Variants in MAPK6 observed in about 807,000 individuals in gnomAD.
MAPK6 encodes the protein ERK-3.
Under a neutral mutation model 59.3 loss-of-function variants are expected in MAPK6, and 19 were observed. That is an observed-to-expected ratio of 0.32 (90% CI 0.22 to 0.47). The LOEUF is 0.47. Among genes scored for constraint, MAPK6 ranks in the 20% least tolerant of loss-of-function variants. The pLI is 1.00. For missense variants in MAPK6, 724 were observed against 847.9 expected, an observed-to-expected ratio of 0.85 and a Z score of 1.81; for synonymous variants, 316 against 290.3, an observed-to-expected ratio of 1.09 and a Z score of -0.90.
upstream of MAPK6, among the ~76,000 whole-genome samples, chr15:52,016,070 G>GCGCGCAAA: frequency 3.6e-5 from 2 of 55,392 alleles, no homozygotes; most frequent in Non-Finnish European, 6.8e-5. Flanking sequence ...GCGCGCGCGC[G>GCGCGCAAA]CACACACACA....
chr15:52,001,923 G>A (rs1165494711), intron 2 of MAPK6, among the ~76,000 whole-genome samples: 1 of 152,030 alleles, frequency 6.6e-6, no homozygotes, highest in Non-Finnish European at 1.5e-5. Context: ...TGTCCCATGT[G>A]TCAGAGTCTC....
At chr15:52,039,053 C>T (rs1566907257) in intron 1 of MAPK6, among the ~76,000 whole-genome samples, 1 of 152,206 alleles carries the variant, frequency 6.6e-6, no homozygotes. Context: ...CCCTCTGTCC[C>T]TCAGGCTGAA....
At chr15:52,032,569 C>G (rs2031078771) in intron 1 of MAPK6, among the ~76,000 whole-genome samples, 1 of 152,132 alleles carries the variant, frequency 6.6e-6, no homozygotes, top group African/African-American at 2.4e-5. Flanking sequence ...CTCTGTAGAT[C>G]TGGGGTTAGT....
intron 1 of MAPK6, among the ~76,000 whole-genome samples, chr15:52,026,277 A>G (rs1296615595): frequency 6.6e-6 from 1 of 151,844 alleles, no homozygotes; most frequent in African/African-American, 2.4e-5. Flanking sequence ...TTAACCTCCT[A>G]CCTTTTTTTG....
At chr15:51,997,923 CTCTT>C (rs201219333) in intron 2 of MAPK6, among the ~76,000 whole-genome samples, 3,024 of 131,218 alleles carry the variant, frequency 0.023, 35 homozygotes, top group Middle Eastern at 0.032. Context: ...TTCTTTCTTT[CTCTT>C]TCTTTCTTTC....
exon 1 of MAPK6, chr15:51,971,852 T>G (rs567831435): frequency 4.1e-4 from 503 of 1,226,532 alleles, no homozygotes; most frequent in Non-Finnish European, 5.5e-4. Context: ...CCGAAGACAC[T>G]CCTTTCCTTA....
intron 1 of MAPK6, among the ~76,000 whole-genome samples, chr15:52,045,556 C>CT (rs2031569784): frequency 6.6e-6 from 1 of 152,170 alleles, no homozygotes; most frequent in Admixed American, 6.5e-5. Context: ...CCTTCCCATA[C>CT]TTGTTGGCAT....
chr15:52,017,763 G>C (rs1462708980), upstream of MAPK6: 1 of 152,092 alleles, frequency 6.6e-6, no homozygotes, highest in African/African-American at 2.4e-5. Context: ...ATCAGACATT[G>C]ATGGAAAAGG....
At chr15:52,062,855 G>A (rs1458257033) in intron 5 of MAPK6, among the ~76,000 whole-genome samples, 3 of 148,232 alleles carry the variant, frequency 2.0e-5, no homozygotes, top group Non-Finnish European at 2.9e-5. Flanking sequence ...AGGTGATTTT[G>A]ATGCTTCAGA....
rs1177129279 is a variant in MAPK6 at position 52,061,327 on chromosome 15, A to G, written c.894A>G (p.Thr298=). 9.3e-6 allele frequency: 15 copies of G among 1,614,104 alleles called. No individual in the cohort carries two copies. Among genetic ancestry groups the G allele is most frequent in the Middle Eastern group, 1.6e-4 (1 of 6,062 alleles). Residue 298 remains threonine (T), a synonymous_variant, in exon 5 of 6, where the codon ACA becomes ACG. Transcript: ENST00000261845. ...TGGATTTCCTGGAACAAATTTTGAC[A>G]TTTAGCCCCATGGATCGGTTAACAG... The part of the protein sequence containing the change: ...EALDFLEQIL[T]FSPMDRLTAE...
At chr15:51,971,901 G>A (rs554015336) in exon 1 of MAPK6, 2 of 716,718 alleles carry the variant, frequency 2.8e-6, no homozygotes, top group East Asian at 2.7e-5. Context: ...ACCTGTTCTC[G>A]CCTGGGTATG....
chr15:52,063,059 C>A (rs2032267584), intron 5 of MAPK6, among the ~76,000 whole-genome samples: 1 of 152,038 alleles, frequency 6.6e-6, no homozygotes. Context: ...CCATTTCTAC[C>A]CCCTAAATAA....
chr15:52,050,975 A>T (rs1239507810), intron 3 of MAPK6, among the ~76,000 whole-genome samples: 1 of 152,208 alleles, frequency 6.6e-6, no homozygotes, highest in Non-Finnish European at 1.5e-5. Flanking sequence ...TAGTAGGGGT[A>T]CTGAAGATTT....
intron 2 of MAPK6, among the ~76,000 whole-genome samples, chr15:52,048,717 C>T (rs2031675706): frequency 6.7e-6 from 1 of 149,910 alleles, no homozygotes; most frequent in African/African-American, 2.5e-5. Context: ...TCACTTGAGG[C>T]CAGGAGTTTG....
At chr15:51,991,695 A>G (rs1298261226) in intron 2 of MAPK6, among the ~76,000 whole-genome samples, 1 of 152,238 alleles carries the variant, frequency 6.6e-6, no homozygotes, top group Non-Finnish European at 1.5e-5. Flanking sequence ...GGTTGCCGAC[A>G]TCGGCAAAGG....
chr15:51,988,680 C>G (rs2057198616), intron 2 of MAPK6, among the ~76,000 whole-genome samples: 1 of 151,700 alleles, frequency 6.6e-6, no homozygotes, highest in Admixed American at 6.6e-5. Context: ...TGCAATGAGC[C>G]AAGGCCACAC....
At chr15:51,976,645 C>T (rs1448970067) in intron 1 of MAPK6, among the ~76,000 whole-genome samples, 1 of 151,680 alleles carries the variant, frequency 6.6e-6, no homozygotes, top group African/African-American at 2.4e-5. Context: ...GTGGAATTGT[C>T]TTTAAAATCC....
intron 1 of MAPK6, among the ~76,000 whole-genome samples, chr15:52,022,050 G>A (rs1473756378): frequency 6.6e-6 from 1 of 152,142 alleles, no homozygotes; most frequent in African/African-American, 2.4e-5. Flanking sequence ...GGGGCTGGGT[G>A]CGTTGGCTCA....
chr15:52,040,396 C>T (rs1226214526), intron 1 of MAPK6, among the ~76,000 whole-genome samples: 2 of 152,192 alleles, frequency 1.3e-5, no homozygotes, highest in Admixed American at 6.5e-5. Flanking sequence ...GGGGGAAGTG[C>T]TGTGCTGTCA....
Sources: allele counts gnomAD v4.1 joint callset (sites outside exome capture counted in the v4.1 genomes callset), GRCh38; gene constraint gnomAD v4.1.1; transcripts MANE v1.5; gene names NCBI Gene and HGNC (gene_info 2026-07-23, HGNC 2026-07-21).